Variants in TBC1D2 observed in about 807,000 individuals in gnomAD.
TBC1D2 encodes the protein TBC1 domain family member 2, also known as TBC1 domain family member 2A.
TBC1D2 carries 58 observed loss-of-function variants against 91.1 expected under a neutral mutation model. The ratio of observed to expected loss-of-function variants is 0.64; its 90% confidence interval spans 0.52 to 0.79. The LOEUF (loss-of-function observed/expected upper bound fraction) is 0.79. Among genes scored for constraint, TBC1D2 ranks in the 30% least tolerant of loss-of-function variants. The probability of loss-of-function intolerance (pLI) is 0.00; values close to 1 mark genes in which losing one functional copy is unlikely to be tolerated. For missense variants in TBC1D2, 1,080 were observed against 1,208.3 expected, an observed-to-expected ratio of 0.89 and a Z score of 1.57; for synonymous variants, 482 against 511.5, an observed-to-expected ratio of 0.94 and a Z score of 0.78.
intron 7 of TBC1D2, among the ~76,000 whole-genome samples, chr9:98,212,650 C>CGCCACCATGCCCG (rs1828876032): frequency 6.6e-6 from 1 of 152,160 alleles, no homozygotes. Context: ...TGCAGGCGCC[C>CGCCACCATGCCCG]GCCACCATGC....
In TBC1D2 at chr9:98,251,778, T is replaced by C; in HGVS notation, c.511+7A>G. The C allele has an allele frequency of 6.3e-7, 1 of 1,575,490 alleles. No individual in the cohort carries two copies. The highest frequency in any genetic ancestry group is 8.6e-7 in the Non-Finnish European group (1 of 1,163,042). On this transcript the variant is annotated splice_region_variant and intron_variant, in intron 2 of 12. Coordinates refer to ENST00000465784, the MANE Select transcript of TBC1D2 (RefSeq NM_001267571.2). ...GTGTGCAGGCAGGAGGGTAGCCCAT[T>C]GGGTACCTAGCTCGAGGTGCAGGAC...
At position 98,199,575 on chromosome 9, in the gene TBC1D2, T is replaced by G. The variant is rs1828429656; in HGVS notation, c.2593A>C (p.Ile865Leu). ...AAGGGGTTCATGTCATTGAAGGCGA[T>G]GTTCATCAGCTTCCTGGGAGGAGGG... ...TISNSRKLMN[I>L]AFNDMNPFRM... Residue 865 changes from isoleucine (I) to leucine (L), a missense_variant, in exon 13 of 13, where the codon ATC (isoleucine) becomes CTC (leucine). By Grantham distance (5) the Ile-to-Leu change is conservative. Coordinates refer to ENST00000465784, the MANE Select transcript of TBC1D2 (RefSeq NM_001267571.2). 1.9e-6 allele frequency: 3 copies of G among 1,613,876 alleles called. No homozygotes were observed. In the African/African-American group the frequency reaches 4.0e-5, roughly 22 times the overall value.
chr9:98,233,323 A>G, intron 4 of TBC1D2, 93 bp downstream of exon 4: 1 of 1,499,298 alleles, frequency 6.7e-7, no homozygotes, highest in East Asian at 2.3e-5. Flanking sequence ...ACACAAAAGC[A>G]CAAATGCTGG....
rs142304145 is a variant in TBC1D2 at position 98,201,533 on chromosome 9, G to A, written c.2403C>T (p.Leu801=). The A allele has an allele frequency of 3.4e-4, 544 of 1,614,046 alleles. No individual in the cohort carries two copies. Among genetic ancestry groups the A allele is most frequent in the Non-Finnish European group, 4.5e-4 (533 of 1,180,036 alleles). Residue 801 remains leucine, a synonymous_variant, in exon 11 of 13, where the codon CTC becomes CTT. Transcript: ENST00000465784. ...AGACCCGAAGGAGGATGTTGCTAATGAGACTGTCCGCAAAGACCACGAGGA... is the reference window on the plus strand; with the variant it reads ...AGACCCGAAGGAGGATGTTGCTAATAAGACTGTCCGCAAAGACCACGAGGA... ...NWFLVVFADS[L]ISNILLRVWD...
intron 1 of TBC1D2, among the ~76,000 whole-genome samples, chr9:98,252,360 C>G (rs1829890427): frequency 6.6e-6 from 1 of 152,178 alleles, no homozygotes; most frequent in African/African-American, 2.4e-5. Flanking sequence ...ATCTCCAAGT[C>G]TTTGCTGCCT....
intron 1 of TBC1D2, among the ~76,000 whole-genome samples, chr9:98,253,877 G>C (rs763637001): frequency 2.0e-5 from 3 of 152,168 alleles, no homozygotes; most frequent in Non-Finnish European, 4.4e-5. Flanking sequence ...AGAACCAGGG[G>C]TGGGGGTGCA....
At chr9:98,210,906 G>GGCCTGAT (rs2119035929) in intron 7 of TBC1D2, 63 bp from the exon 8 acceptor site, 1 of 1,450,740 alleles carries the variant, frequency 6.9e-7, no homozygotes, top group Non-Finnish European at 9.3e-7. Context: ...AGAGGCCTGA[G>GGCCTGAT]GCCTGAACAG....
chr9:98,207,418 C>T (rs1235934323), intron 9 of TBC1D2, among the ~76,000 whole-genome samples: 1 of 152,190 alleles, frequency 6.6e-6, no homozygotes, highest in Non-Finnish European at 1.5e-5. Context: ...ACTGAAATAG[C>T]TGGGGCTGGA....
At chr9:98,238,594 T>C (rs1218347297) in intron 3 of TBC1D2, among the ~76,000 whole-genome samples, 2 of 137,290 alleles carry the variant, frequency 1.5e-5, no homozygotes, top group East Asian at 3.8e-4. Context: ...CTAATTGGCC[T>C]GGCTAAAGCC....
At chr9:98,212,880 C>T (rs1223967397) in intron 7 of TBC1D2, among the ~76,000 whole-genome samples, 1 of 152,190 alleles carries the variant, frequency 6.6e-6, no homozygotes, top group Non-Finnish European at 1.5e-5. Flanking sequence ...CCTTATTGGT[C>T]TTGATGTCCC....
chr9:98,219,100 G>A (rs536397980), intron 6 of TBC1D2, among the ~76,000 whole-genome samples: 5 of 152,178 alleles, frequency 3.3e-5, no homozygotes, highest in Admixed American at 3.3e-4. Flanking sequence ...GAAAAGATTC[G>A]GGAACTGGTT....
At chr9:98,254,317 T>C (rs1829930132) in intron 1 of TBC1D2, among the ~76,000 whole-genome samples, 1 of 152,202 alleles carries the variant, frequency 6.6e-6, no homozygotes, top group Non-Finnish European at 1.5e-5. Context: ...TCCATCACCT[T>C]GTGTGTGCAT....
chr9:98,220,772 T>C, intron 6 of TBC1D2, 61 bp downstream of exon 6: 1 of 1,585,874 alleles, frequency 6.3e-7, no homozygotes, highest in African/African-American at 1.3e-5. Flanking sequence ...AGAGCGCACC[T>C]TCCCTGAGGG....
intron 2 of TBC1D2, among the ~76,000 whole-genome samples, chr9:98,251,527 T>C (rs907153233): frequency 6.6e-5 from 10 of 152,208 alleles, no homozygotes; most frequent in African/African-American, 2.4e-4. Flanking sequence ...GAAGTAGGGA[T>C]AATTTATAAA....
At position 98,218,435 on chromosome 9, in the gene TBC1D2, C is replaced by T. The variant is rs1325370644; in HGVS notation, c.1374+2398G>A. ...CAAAAAAATTAGCCGGGCATGGTGGCGGGCACCTGTAGTCCCAGCTACTCA... is the reference window on the plus strand; with the variant it reads ...CAAAAAAATTAGCCGGGCATGGTGGTGGGCACCTGTAGTCCCAGCTACTCA... On this transcript the variant is annotated intron_variant, in intron 6 of 12. Transcript: ENST00000465784. Among the ~76,000 whole-genome samples, 18 of 151,986 alleles carry T rather than the reference C, an allele frequency of 1.2e-4. No homozygotes were observed. The East Asian group carries it at 3.3e-3, about 28-fold the overall frequency.
chr9:98,249,355 G>A (rs1051096986), intron 2 of TBC1D2, among the ~76,000 whole-genome samples: 1 of 152,336 alleles, frequency 6.6e-6, no homozygotes, highest in South Asian at 2.1e-4. Flanking sequence ...GAGGCCCGCC[G>A]TGTGTGCTGA....
intron 7 of TBC1D2, among the ~76,000 whole-genome samples, chr9:98,211,608 T>C (rs998210625): frequency 6.6e-6 from 1 of 152,130 alleles, no homozygotes; most frequent in Non-Finnish European, 1.5e-5. Context: ...CCCCGAATCC[T>C]ATCTCATCCT....
intron 9 of TBC1D2, 128 bp downstream of exon 9, chr9:98,208,540 C>T (rs1828716513): frequency 1.1e-6 from 1 of 880,590 alleles, no homozygotes; most frequent in South Asian, 1.8e-5. Context: ...GCTCTCTCGC[C>T]CACTGCTCAC....
chr9:98,239,574 A>T (rs192710090), intron 3 of TBC1D2, among the ~76,000 whole-genome samples: 1 of 152,292 alleles, frequency 6.6e-6, no homozygotes, highest in African/African-American at 2.4e-5. Context: ...TCAGTTCGCT[A>T]GTATTTTGTT....
Sources: gnomAD v4.1 joint callset for allele counts (sites outside exome capture counted in the v4.1 genomes callset) on GRCh38, gnomAD v4.1.1 for gene constraint, MANE v1.5 for transcripts, NCBI Gene and HGNC (gene_info 2026-07-23, HGNC 2026-07-21) for gene names.